The following GXYLT2 variants were observed in gnomAD, a reference collection of about 807,000 sequenced individuals.
GXYLT2 encodes the protein glycosyltransferase 8 domain containing 4.
Under a neutral mutation model 45.8 loss-of-function variants are expected in GXYLT2, and 53 were observed. The ratio of observed to expected loss-of-function variants is 1.16; its 90% CI spans 0.93 to 1.46. The LOEUF is 1.46. Ranked by LOEUF, GXYLT2 falls within the 40% of genes most tolerant of loss-of-function variation. GXYLT2 has a pLI of 0.00. For synonymous variants in GXYLT2, 219 were observed against 214.2 expected (o/e 1.02, Z -0.19); for missense variants, 551 against 544.4 (o/e 1.01, Z -0.12).
At chr3:72,911,956 GGTGTGT>G (rs371032663) in intron 2 of GXYLT2, among the ~76,000 whole-genome samples, 1 of 136,402 alleles carries the variant, frequency 7.3e-6, no homozygotes, top group South Asian at 2.3e-4. Flanking sequence ...ATATAAGTTG[GGTGTGT>G]GTGTGTGTGT....
intron 2 of GXYLT2, among the ~76,000 whole-genome samples, chr3:72,916,194 A>G (rs1287686864): frequency 1.3e-5 from 2 of 150,526 alleles, no homozygotes; most frequent in Non-Finnish European, 1.5e-5. Flanking sequence ...CTTCTCTTGC[A>G]TCTGCGTTCA....
chr3:72,946,196 G>C, intron 3 of GXYLT2, among the ~76,000 whole-genome samples: 1 of 140,280 alleles, frequency 7.1e-6, no homozygotes, highest in East Asian at 2.1e-4. Context: ...AGGGTCAGCT[G>C]AACCCAGGAA....
chr3:72,889,155 C>T (rs903270193), intron 1 of GXYLT2, among the ~76,000 whole-genome samples: 5 of 152,196 alleles, frequency 3.3e-5, no homozygotes, highest in Non-Finnish European at 7.3e-5. Context: ...GTTTGATACT[C>T]TCTTTCCCTA....
chr3:72,901,964 G>T (rs764657870), intron 1 of GXYLT2, among the ~76,000 whole-genome samples: 4 of 152,020 alleles, frequency 2.6e-5, no homozygotes, highest in Non-Finnish European at 5.9e-5. Context: ...ATGTTCACAG[G>T]TTTACTGTTT....
chr3:72,927,281 T>G (rs904292013), intron 3 of GXYLT2: 1 of 152,156 alleles, frequency 6.6e-6, no homozygotes, highest in African/African-American at 2.4e-5. Context: ...TCTGAAAGTT[T>G]TCTGACTCCA....
rs1285660987 is a variant in GXYLT2 at position 72,911,991 on chromosome 3, G to GTATATA, written c.468+3433_468+3434insATATAT. ...TGTGTGTGTGCATGTGTGTGTGTGT[G>GTATATA]TGTATATATATATATATATATATTT... is the stretch of plus-strand genomic sequence containing the variant. On this transcript the variant is annotated intron_variant, in intron 2 of 6. Coordinates refer to ENST00000389617, the MANE Select transcript of GXYLT2 (RefSeq NM_001080393.2). 1.0e-2 allele frequency among the ~76,000 whole-genome samples: 1,312 copies of GTATATA among 131,480 alleles called. 10 individuals carry two copies. Among genetic ancestry groups the GTATATA allele is most frequent in the African/African-American group, 0.014 (421 of 29,954 alleles). 86.3% of individuals were successfully genotyped at this position (131,480 alleles called of 152,430 possible). A position where few individuals can be genotyped will look rare whatever the true frequency, so the allele number is the denominator to read the frequency against.
Position 72,965,397 on chromosome 3 carries a change from G to A in GXYLT2, c.977-2150G>A, listed in dbSNP as rs553423478. On this transcript the variant is annotated intron_variant, in intron 5 of 6. Coordinates refer to ENST00000389617, the MANE Select transcript of GXYLT2 (RefSeq NM_001080393.2). ...ACCCAATGAACAAGCACATCTTGAA[G>A]TTGCTTTTCCAATGGTGGTGGTGTT... Among the ~76,000 whole-genome samples the A allele has an allele frequency of 3.9e-5, 6 of 152,262 alleles. No individual in the cohort carries two copies. In the East Asian group the frequency reaches 1.2e-3, roughly 29 times the overall value.
chr3:72,944,787 C>G (rs1478539274), intron 3 of GXYLT2, among the ~76,000 whole-genome samples: 1 of 152,040 alleles, frequency 6.6e-6, no homozygotes, highest in African/African-American at 2.4e-5. Flanking sequence ...TTTTCCTCCC[C>G]TAGCTCTCTT....
At chr3:72,963,694 A>T (rs1710810572) in intron 5 of GXYLT2, among the ~76,000 whole-genome samples, 1 of 140,140 alleles carries the variant, frequency 7.1e-6, no homozygotes, top group African/African-American at 2.6e-5. Flanking sequence ...TTTTTGAGAC[A>T]AGAGTTTCAC....
intron 3 of GXYLT2, among the ~76,000 whole-genome samples, chr3:72,926,794 G>C (rs931478030): frequency 2.0e-5 from 3 of 152,182 alleles, no homozygotes; most frequent in African/African-American, 7.2e-5. Context: ...TTAGTGAGTG[G>C]TACCCAATAT....
At chr3:72,899,541 G>A (rs1446294507) in intron 1 of GXYLT2, among the ~76,000 whole-genome samples, 2 of 152,202 alleles carry the variant, frequency 1.3e-5, no homozygotes, top group Non-Finnish European at 2.9e-5. Flanking sequence ...GGTTCTGAGC[G>A]AAGAGTCTAA....
intron 6 of GXYLT2, among the ~76,000 whole-genome samples, chr3:72,968,961 C>G (rs1710929977): frequency 6.6e-6 from 1 of 151,876 alleles, no homozygotes; most frequent in African/African-American, 2.4e-5. Context: ...GTCCCAGCTA[C>G]TCGGGAGGCT....
intron 2 of GXYLT2, among the ~76,000 whole-genome samples, chr3:72,915,834 A>G (rs2107092431): frequency 6.8e-6 from 1 of 147,214 alleles, no homozygotes; most frequent in South Asian, 2.1e-4. Flanking sequence ...CCCTGTCTCA[A>G]AAAAAAAAAA....
intron 6 of GXYLT2, among the ~76,000 whole-genome samples, chr3:72,971,477 T>G (rs1208340359): frequency 6.6e-6 from 1 of 152,216 alleles, no homozygotes; most frequent in African/African-American, 2.4e-5. Context: ...ATCCCAATTT[T>G]GCCGCTTTCT....
In GXYLT2 at chr3:72,940,483, T is replaced by A. The variant is rs1361770813; in HGVS notation, c.601-14615T>A. On this transcript the variant is annotated intron_variant, in intron 3 of 6. Transcript: ENST00000389617. Reference sequence around the variant, plus strand: ...GAAGACCCCATGGAACAGACTGGGATGAGGTTCACTGTTAATGTTGGTTAA... The same window carrying A: ...GAAGACCCCATGGAACAGACTGGGAAGAGGTTCACTGTTAATGTTGGTTAA... Among the ~76,000 whole-genome samples the A allele has an allele frequency of 2.0e-5, 3 of 152,238 alleles. No individual in the cohort carries two copies. In the East Asian group the frequency reaches 5.8e-4, roughly 29 times the overall value.
At chr3:72,971,613 T>C (rs6793043) in intron 6 of GXYLT2, among the ~76,000 whole-genome samples, 105,408 of 152,056 alleles carry the variant, frequency 0.69, 36,768 homozygotes, top group Admixed American at 0.76. Flanking sequence ...ATAGTCTTTA[T>C]GCTTTTAGTA....
chr3:72,959,201 T>G (rs910972205), intron 5 of GXYLT2, among the ~76,000 whole-genome samples: 2 of 147,200 alleles, frequency 1.4e-5, no homozygotes, highest in African/African-American at 5.0e-5. Flanking sequence ...CACTGTAACT[T>G]CTGCCTCCCA....
intron 2 of GXYLT2, among the ~76,000 whole-genome samples, chr3:72,914,489 A>G (rs1257546789): frequency 1.3e-5 from 2 of 151,720 alleles, no homozygotes; most frequent in South Asian, 2.1e-4. Flanking sequence ...CGGCCAGTAT[A>G]TATATGTATG....
chr3:72,939,040 A>G (rs1010473628), intron 3 of GXYLT2, among the ~76,000 whole-genome samples: 29 of 152,188 alleles, frequency 1.9e-4, no homozygotes, highest in Non-Finnish European at 3.8e-4. Context: ...GTTATATGTA[A>G]TTCCACAAGG....
Sources: gnomAD v4.1 joint callset for allele counts (sites outside exome capture counted in the v4.1 genomes callset) on GRCh38, gnomAD v4.1.1 for gene constraint, MANE v1.5 for transcripts, NCBI Gene and HGNC (gene_info 2026-07-23, HGNC 2026-07-21) for gene names.